Variants in MAP4K3 observed in about 807,000 individuals in gnomAD.
The protein encoded by MAP4K3 is mitogen-activated protein kinase kinase kinase kinase 3, also known as MAPK/ERK kinase kinase kinase 3.
In MAP4K3, 94 loss-of-function variants were observed where a neutral mutation model predicts 143.5. The observed-to-expected ratio is 0.65, with a 90% CI of 0.55 to 0.78. MAP4K3 has a LOEUF of 0.78. Among genes scored for constraint, MAP4K3 ranks in the 30% least tolerant of loss-of-function variants. The pLI is 0.00. For synonymous variants in MAP4K3, 416 were observed against 347.2 expected, an observed-to-expected ratio of 1.20 and a Z score of -2.20; for missense variants, 1,077 against 1,068.1, an observed-to-expected ratio of 1.01 and a Z score of -0.12.
chr2:39,361,117 T>A (rs1481973328), intron 2 of MAP4K3, among the ~76,000 whole-genome samples: 1 of 152,206 alleles, frequency 6.6e-6, no homozygotes, highest in African/African-American at 2.4e-5. Context: ...ACTAGTTGTA[T>A]CATCTCAGGC....
chr2:39,378,327 G>GCT (rs1305668810), intron 1 of MAP4K3, among the ~76,000 whole-genome samples: 1 of 152,050 alleles, frequency 6.6e-6, no homozygotes, highest in Non-Finnish European at 1.5e-5. Flanking sequence ...AAAACTAATA[G>GCT]CTAATATACA....
At chr2:39,324,044 A>G (rs955303327) in intron 12 of MAP4K3, among the ~76,000 whole-genome samples, 1 of 152,206 alleles carries the variant, frequency 6.6e-6, no homozygotes, top group Non-Finnish European at 1.5e-5. Flanking sequence ...GACTGCCTGT[A>G]TACTAAATAA....
intron 1 of MAP4K3, among the ~76,000 whole-genome samples, chr2:39,398,642 T>A (rs1404782804): frequency 6.6e-6 from 1 of 150,716 alleles, no homozygotes; most frequent in Non-Finnish European, 1.5e-5. Flanking sequence ...GGTGGCATGG[T>A]TAATATTTGG....
rs1157526665 is a variant in MAP4K3 at position 39,437,162 on chromosome 2, G to A, written c.-175C>T. 2.5e-6 allele frequency: 1 copy of A among 400,058 alleles called. No individual in the cohort carries two copies. The highest frequency in any genetic ancestry group is 4.3e-6 in the Non-Finnish European group (1 of 231,498). The allele number at this position is 400,058 out of a possible 1,614,324, so 24.8% of individuals were successfully genotyped here. A position where few individuals can be genotyped will look rare whatever the true frequency, so the allele number is the denominator to read the frequency against. On this transcript the variant is annotated 5_prime_UTR_variant, in exon 1 of 34. Coordinates refer to ENST00000263881, the MANE Select transcript of MAP4K3 (RefSeq NM_003618.4). ...CCGCTCCCCTCACGCCGCTGCGGAC[G>A]ACGACAAGCGGCCAATCGTCCCCGC...
intron 1 of MAP4K3, among the ~76,000 whole-genome samples, chr2:39,409,627 T>C (rs552201150): frequency 3.9e-5 from 6 of 152,284 alleles, no homozygotes; most frequent in South Asian, 4.1e-4. Flanking sequence ...CCAGAAAATA[T>C]TGAGTATGCA....
intron 1 of MAP4K3, among the ~76,000 whole-genome samples, chr2:39,389,545 G>A (rs1051595026): frequency 6.6e-6 from 1 of 152,050 alleles, no homozygotes; most frequent in Non-Finnish European, 1.5e-5. Context: ...AAAGCACTCA[G>A]AGAAAAGGAG....
chr2:39,265,675 T>C (rs191267309), intron 27 of MAP4K3, among the ~76,000 whole-genome samples: 2 of 152,298 alleles, frequency 1.3e-5, no homozygotes, highest in Non-Finnish European at 2.9e-5. Context: ...ACTCCTAAGA[T>C]ACAACACATT....
chr2:39,261,963 G>C (rs910134656), intron 28 of MAP4K3, among the ~76,000 whole-genome samples: 2 of 152,042 alleles, frequency 1.3e-5, no homozygotes, highest in African/African-American at 4.8e-5. Context: ...GACTAAAAGG[G>C]AGGATGACAA....
At chr2:39,267,715 C>T (rs946641363) in intron 26 of MAP4K3, among the ~76,000 whole-genome samples, 2 of 151,678 alleles carry the variant, frequency 1.3e-5, no homozygotes, top group African/African-American at 4.8e-5. Flanking sequence ...AAATTGGATC[C>T]CCTTCTCATG....
At chr2:39,343,488 T>C (rs1001452722) in intron 3 of MAP4K3, 36 bp from the exon 4 acceptor site, 1 of 1,544,688 alleles carries the variant, frequency 6.5e-7, no homozygotes, top group Non-Finnish European at 8.9e-7. Flanking sequence ...CATATTTTCA[T>C]GATTAAAACT....
intron 3 of MAP4K3, among the ~76,000 whole-genome samples, chr2:39,344,310 G>A (rs1231677902): frequency 1.3e-5 from 2 of 152,212 alleles, no homozygotes; most frequent in Admixed American, 1.3e-4. Context: ...CCTGCTGCCT[G>A]ATTTTGTACA....
intron 16 of MAP4K3, among the ~76,000 whole-genome samples, chr2:39,297,242 C>T (rs1331335268): frequency 2.6e-5 from 4 of 151,964 alleles, no homozygotes; most frequent in Admixed American, 6.6e-5. Flanking sequence ...CTCAGCCTCC[C>T]GAGTAGCTGG....
intron 1 of MAP4K3, among the ~76,000 whole-genome samples, chr2:39,386,820 C>CTTTTTTTTTTTTTTTTTTTT (rs56011585): frequency 6.5e-5 from 9 of 139,128 alleles, no homozygotes; most frequent in African/African-American, 1.4e-4. Context: ...TTTTGTTGTT[C>CTTTTTTTTTTTTTTTTTTTT]TTTTTTTTTT....
Position 39,339,611 on chromosome 2 carries a change from C to T in MAP4K3, c.311-2030G>A, listed in dbSNP as rs1284877571. Reference sequence around the variant, plus strand: ...GCAGAAGAGCTAAAACAAACACCCACATAAAACCAGAAGTCTCAGAGGGCT... The same window carrying T: ...GCAGAAGAGCTAAAACAAACACCCATATAAAACCAGAAGTCTCAGAGGGCT... On this transcript the variant is annotated intron_variant, in intron 4 of 33. Coordinates refer to ENST00000263881, the MANE Select transcript of MAP4K3 (RefSeq NM_003618.4). 9.9e-5 allele frequency among the ~76,000 whole-genome samples: 15 copies of T among 152,154 alleles called. No homozygotes were observed. In the East Asian group the frequency reaches 2.7e-3, roughly 27 times the overall value.
intron 26 of MAP4K3, 42 bp downstream of exon 26, chr2:39,272,241 T>G: frequency 4.4e-6 from 6 of 1,378,346 alleles, no homozygotes; most frequent in Non-Finnish European, 6.1e-6. Flanking sequence ...TTTATGAGAA[T>G]GAACTGTTAA....
chr2:39,256,970 T>C (rs1297677938), intron 31 of MAP4K3, among the ~76,000 whole-genome samples: 3 of 152,214 alleles, frequency 2.0e-5, no homozygotes, highest in Admixed American at 1.3e-4. Context: ...TTTTTGACCC[T>C]GGCTATGTCT....
intron 2 of MAP4K3, among the ~76,000 whole-genome samples, chr2:39,357,367 A>G (rs72927121): frequency 0.013 from 1,991 of 152,350 alleles, 47 homozygotes; most frequent in African/African-American, 0.046. Context: ...AATTAGTAGC[A>G]AAGTAAAAAA....
chr2:39,306,117 C>T (rs887304691), intron 15 of MAP4K3, among the ~76,000 whole-genome samples: 4 of 152,268 alleles, frequency 2.6e-5, no homozygotes, highest in East Asian at 1.9e-4. Flanking sequence ...CATGAGCCAC[C>T]GTGCCCGGCT....
At chr2:39,262,254 A>G (rs1177404382) in intron 28 of MAP4K3, among the ~76,000 whole-genome samples, 1 of 152,210 alleles carries the variant, frequency 6.6e-6, no homozygotes, top group East Asian at 1.9e-4. Context: ...ACAAAATGGT[A>G]CTCATGGCTG....
Sources: allele counts gnomAD v4.1 joint callset (sites outside exome capture counted in the v4.1 genomes callset), GRCh38; gene constraint gnomAD v4.1.1; transcripts MANE v1.5; gene names NCBI Gene and HGNC (gene_info 2026-07-23, HGNC 2026-07-21).